The following CCNJL variants were observed in gnomAD, a reference collection of about 807,000 sequenced individuals.
The protein encoded by CCNJL is cyclin J like.
A neutral mutation model predicts 33.4 loss-of-function variants in CCNJL; 33 were observed. The observed-to-expected ratio is 0.99, with a 90% CI of 0.75 to 1.32. The LOEUF (loss-of-function observed/expected upper bound fraction) is 1.32, where lower values mean the gene tolerates loss of function less well. Among genes scored for constraint, CCNJL ranks in the 40% most tolerant of loss-of-function variants. CCNJL has a pLI of 0.00. For synonymous variants in CCNJL, 227 were observed against 220.9 expected, an observed-to-expected ratio of 1.03 and a Z score of -0.24; for missense variants, 512 against 499.7, an observed-to-expected ratio of 1.02 and a Z score of -0.23.
chr5:160,304,076 A>T (rs1763014742), intron 2 of CCNJL, among the ~76,000 whole-genome samples: 2 of 152,122 alleles, frequency 1.3e-5, no homozygotes, highest in African/African-American at 4.8e-5. Context: ...TGGGGCAGGG[A>T]TTGCTGTCGT....
intron 4 of CCNJL, among the ~76,000 whole-genome samples, chr5:160,257,976 A>T (rs540355726): frequency 6.6e-6 from 1 of 151,602 alleles, no homozygotes; most frequent in South Asian, 2.1e-4. Context: ...CCTCCCAAGT[A>T]GCTGAGACTA....
chr5:160,268,058 T>A (rs1340355036), intron 3 of CCNJL, among the ~76,000 whole-genome samples: 2 of 152,194 alleles, frequency 1.3e-5, no homozygotes, highest in East Asian at 1.9e-4. Flanking sequence ...TGACTTTTTT[T>A]AAAAAACAGA....
upstream of CCNJL, chr5:160,312,997 C>T (rs1271880619): frequency 2.0e-5 from 3 of 151,690 alleles, no homozygotes. Context: ...CCCGCCCTGC[C>T]ATGGGGAGGT....
chr5:160,312,050 C>T lies in CCNJL; in HGVS notation c.-49-78G>A, dbSNP rs1763281264. 5.4e-6 allele frequency: 5 copies of T among 932,108 alleles called. No individual in the cohort carries two copies. In the East Asian group the frequency reaches 1.3e-4, roughly 24 times the overall value. The allele number at this position is 932,108 out of a possible 1,614,324, so 57.7% of individuals were successfully genotyped here. On this transcript the variant is annotated intron_variant, in intron 1 of 5. Coordinates refer to ENST00000257536, the MANE Select transcript of CCNJL (RefSeq NM_001308173.3). ...CCCGGTGTCCCTATCCTCTCTCGCC[C>T]CTGGCCCCGGGCCCCGGCGGGCGCC... is the stretch of plus-strand genomic sequence containing the variant.
At chr5:160,280,982 C>G (rs1762191216) in intron 2 of CCNJL, 1 of 609,452 alleles carries the variant, frequency 1.6e-6, no homozygotes, top group Admixed American at 2.5e-5. Flanking sequence ...GTCATTCCTT[C>G]CCATGGGAAA....
chr5:160,268,811 G>C (rs981602021), intron 3 of CCNJL, among the ~76,000 whole-genome samples: 3 of 152,190 alleles, frequency 2.0e-5, no homozygotes, highest in African/African-American at 7.2e-5. Context: ...TCCAAAGTCC[G>C]CTGGGTAGAC....
At chr5:160,256,105 T>C (rs1215067435) in intron 4 of CCNJL, among the ~76,000 whole-genome samples, 2 of 152,126 alleles carry the variant, frequency 1.3e-5, no homozygotes, top group South Asian at 2.1e-4. Flanking sequence ...TTCAGGCTGG[T>C]ATCGAACTCC....
chr5:160,333,422 C>T (rs1405331969), intron 1 of CCNJL, among the ~76,000 whole-genome samples: 9 of 152,034 alleles, frequency 5.9e-5, no homozygotes, highest in East Asian at 3.9e-4. Flanking sequence ...CCGTGCCCAG[C>T]CCAAAAATTT....
upstream of CCNJL, among the ~76,000 whole-genome samples, chr5:160,315,166 T>C (rs1763365208): frequency 6.6e-6 from 1 of 152,192 alleles, no homozygotes; most frequent in African/African-American, 2.4e-5. Context: ...AAAATGTTTA[T>C]AATTTATTAA....
chr5:160,330,665 CTTTTCT>C (rs1177114571), intron 1 of CCNJL, among the ~76,000 whole-genome samples: 1 of 101,830 alleles, frequency 9.8e-6, no homozygotes, highest in Non-Finnish European at 2.1e-5. Flanking sequence ...CCTGTCTTTT[CTTTTCT>C]TTTTTTTTTT....
At chr5:160,260,475 C>T (rs933501560) in intron 3 of CCNJL, among the ~76,000 whole-genome samples, 9 of 152,164 alleles carry the variant, frequency 5.9e-5, no homozygotes, top group African/African-American at 1.9e-4. Context: ...TTCTGAGAAA[C>T]AGCCTAAGAC....
intron 1 of CCNJL, among the ~76,000 whole-genome samples, chr5:160,321,012 C>CTT (rs1554124992): frequency 1.0e-3 from 73 of 71,972 alleles, no homozygotes; most frequent in Middle Eastern, 7.5e-3. Context: ...CTCTCTCTCT[C>CTT]TCTTTCTTTC....
Position 160,283,186 on chromosome 5 carries a change from CAT to C in CCNJL, c.67-2450_67-2449del, listed in dbSNP as rs571951146. ...TGTATCCATACAACAGAATATTACA[CAT>C]GTTACAGCAGGGGTGAATCTTGAAA... On this transcript the variant is annotated intron_variant, in intron 2 of 5. Transcript: ENST00000257536. Among the ~76,000 whole-genome samples, 50 of 151,542 alleles carry C rather than the reference CAT, an allele frequency of 3.3e-4. 1 individual carries two copies. In the East Asian group the frequency reaches 6.2e-3, roughly 19 times the overall value.
At chr5:160,292,787 A>C (rs1762629403) in intron 2 of CCNJL, among the ~76,000 whole-genome samples, 1 of 152,078 alleles carries the variant, frequency 6.6e-6, no homozygotes, top group Non-Finnish European at 1.5e-5. Flanking sequence ...TTGTACTCTA[A>C]TTCTCCAACA....
At chr5:160,331,549 C>T (rs1763608451) in intron 1 of CCNJL, among the ~76,000 whole-genome samples, 1 of 152,178 alleles carries the variant, frequency 6.6e-6, no homozygotes, top group Non-Finnish European at 1.5e-5. Flanking sequence ...TATCTCCTCT[C>T]TGCTGTCTCA....
At chr5:160,335,605 C>A (rs1407722297) in intron 1 of CCNJL, among the ~76,000 whole-genome samples, 1 of 152,030 alleles carries the variant, frequency 6.6e-6, no homozygotes, top group African/African-American at 2.4e-5. Flanking sequence ...GATGGGGTCT[C>A]TGTTGCCCAA....
chr5:160,290,268 T>C (rs6893513), intron 2 of CCNJL, among the ~76,000 whole-genome samples: 2,750 of 150,942 alleles, frequency 0.018, 96 homozygotes, highest in African/African-American at 0.063. Flanking sequence ...TTTTTCTATT[T>C]ATTTAATTTT....
chr5:160,328,717 A>C (rs1417550278), intron 1 of CCNJL, among the ~76,000 whole-genome samples: 6 of 142,972 alleles, frequency 4.2e-5, no homozygotes, highest in Non-Finnish European at 7.6e-5. Flanking sequence ...TAAAAATACA[A>C]AAAAAAAAAA....
At chr5:160,261,394 C>G (rs1433809211) in intron 3 of CCNJL, 2 of 152,348 alleles carry the variant, frequency 1.3e-5, no homozygotes, top group Non-Finnish European at 2.9e-5. Flanking sequence ...AGCCCCGCAC[C>G]ATGCAGTTTA....
Sources: allele counts gnomAD v4.1 joint callset (sites outside exome capture counted in the v4.1 genomes callset), GRCh38; gene constraint gnomAD v4.1.1; transcripts MANE v1.5; gene names NCBI Gene and HGNC (gene_info 2026-07-23, HGNC 2026-07-21).